Variants in ANKRD44 observed in about 807,000 individuals in gnomAD.
ANKRD44 encodes the protein serine/threonine-protein phosphatase 6 regulatory ankyrin repeat subunit B.
A neutral mutation model predicts 116.0 loss-of-function variants in ANKRD44; 35 were observed. The ratio of observed to expected loss-of-function variants is 0.30; its 90% CI spans 0.23 to 0.40. ANKRD44 has a LOEUF of 0.40. Among genes scored for constraint, ANKRD44 ranks in the 10% least tolerant of loss-of-function variants. The pLI, the probability that ANKRD44 is intolerant of heterozygous loss-of-function variation, is 1.00. For missense variants in ANKRD44, 1,014 were observed against 1,242.6 expected, an observed-to-expected ratio of 0.82 and a Z score of 2.77; for synonymous variants, 435 against 461.8, an observed-to-expected ratio of 0.94 and a Z score of 0.74.
intron 16 of ANKRD44, among the ~76,000 whole-genome samples, chr2:197,031,535 C>A (rs1361518720): frequency 1.3e-5 from 2 of 152,180 alleles, no homozygotes; most frequent in Middle Eastern, 3.2e-3. Context: ...CAGAAAAACA[C>A]TAAAGCGATT....
intron 27 of ANKRD44, chr2:196,991,050 C>G: frequency 2.2e-6 from 2 of 924,032 alleles, no homozygotes; most frequent in East Asian, 6.6e-5. Context: ...GAAATCATGC[C>G]AGGTAAAACG....
chr2:197,148,169 T>G (rs1310867334), intron 2 of ANKRD44, among the ~76,000 whole-genome samples: 1 of 152,216 alleles, frequency 6.6e-6, no homozygotes, highest in Non-Finnish European at 1.5e-5. Context: ...AGGAGATAAG[T>G]GCACAGCAGT....
At chr2:197,124,285 TCTC>T (rs1442643281) in intron 6 of ANKRD44, among the ~76,000 whole-genome samples, 1 of 152,190 alleles carries the variant, frequency 6.6e-6, no homozygotes, top group Non-Finnish European at 1.5e-5. Flanking sequence ...ACCTACTCTT[TCTC>T]CCTACAATTA....
intron 1 of ANKRD44, among the ~76,000 whole-genome samples, chr2:197,219,310 T>C (rs1360970353): frequency 6.6e-6 from 1 of 152,084 alleles, no homozygotes; most frequent in African/African-American, 2.4e-5. Flanking sequence ...CCTCGTGATC[T>C]GCCCACCTCA....
chr2:197,298,419 C>A (rs1407582583), intron 1 of ANKRD44, among the ~76,000 whole-genome samples: 1 of 152,140 alleles, frequency 6.6e-6, no homozygotes, highest in African/African-American at 2.4e-5. Context: ...GTGGACCACA[C>A]AACTAGCTCA....
intron 1 of ANKRD44, among the ~76,000 whole-genome samples, chr2:197,239,408 T>A (rs2082043581): frequency 6.6e-6 from 1 of 152,162 alleles, no homozygotes; most frequent in Non-Finnish European, 1.5e-5. Flanking sequence ...GTATTTTATT[T>A]TTTGTAGACA....
At chr2:196,994,179 A>G (rs934305912) in intron 26 of ANKRD44, among the ~76,000 whole-genome samples, 10 of 152,160 alleles carry the variant, frequency 6.6e-5, no homozygotes, top group Non-Finnish European at 1.5e-4. Flanking sequence ...TATACTGCTT[A>G]AGAATCTTTT....
chr2:197,065,005 T>C (rs1308386432), intron 16 of ANKRD44, among the ~76,000 whole-genome samples: 3 of 152,222 alleles, frequency 2.0e-5, no homozygotes, highest in African/African-American at 7.2e-5. Context: ...TATACATTTT[T>C]CTCAGCACCA....
downstream of ANKRD44, among the ~76,000 whole-genome samples, chr2:196,984,250 C>T (rs2075821869): frequency 1.3e-5 from 2 of 152,140 alleles, no homozygotes; most frequent in Non-Finnish European, 2.9e-5. Context: ...CACATTTGGT[C>T]TCCCTGGCGC....
At chr2:197,104,089 T>C (rs189084295) in intron 9 of ANKRD44, among the ~76,000 whole-genome samples, 22 of 152,312 alleles carry the variant, frequency 1.4e-4, no homozygotes, top group African/African-American at 4.3e-4. Flanking sequence ...TATTTACAAA[T>C]AGTCTTTACA....
rs376874890 is a variant in ANKRD44, at chr2:197,304,167, G to A, written c.27+6411C>T. Among the ~76,000 whole-genome samples, 752 of 152,180 alleles carry A rather than the reference G, an allele frequency of 4.9e-3. 3 individuals carry two copies. The highest frequency in any genetic ancestry group is 0.017 in the African/African-American group (704 of 41,522). Reference sequence around the variant, plus strand: ...CTAAAAATACAAAAATTAGCTGGGCGTAGTGGTGCAAGCCTGTAATCCCAG... The same window carrying A: ...CTAAAAATACAAAAATTAGCTGGGCATAGTGGTGCAAGCCTGTAATCCCAG... On this transcript the variant is annotated intron_variant, in intron 1 of 27. Coordinates refer to ENST00000282272, the MANE Select transcript of ANKRD44 (RefSeq NM_001195144.2).
rs376647443 is a variant in ANKRD44, at chr2:197,089,905, G to A, written c.1183+45C>T. The A allele has an allele frequency of 6.9e-4, 1,069 of 1,550,534 alleles. 1 individual carries two copies. Among genetic ancestry groups the A allele is most frequent in the Non-Finnish European group, 8.7e-4 (982 of 1,122,740 alleles). On this transcript the variant is annotated intron_variant, in intron 11 of 27. Coordinates refer to ENST00000282272, the MANE Select transcript of ANKRD44 (RefSeq NM_001195144.2). ...CAGACACCTGAAGCCATTGACTCAT[G>A]TACAGGACACATTAAGCCTCATCTC...
chr2:196,991,115 G>A (rs1164738386), intron 27 of ANKRD44, among the ~76,000 whole-genome samples: 3 of 152,102 alleles, frequency 2.0e-5, no homozygotes, highest in Non-Finnish European at 4.4e-5. Context: ...GGAGGGAGGG[G>A]GAGACATTTT....
At chr2:197,173,237 A>C (rs2080284709) in intron 2 of ANKRD44, among the ~76,000 whole-genome samples, 1 of 152,200 alleles carries the variant, frequency 6.6e-6, no homozygotes, top group Non-Finnish European at 1.5e-5. Context: ...GCCCTAGACT[A>C]CTAAGTCATT....
intron 26 of ANKRD44, 185 bp downstream of exon 26, chr2:196,995,194 A>G: frequency 2.7e-6 from 1 of 376,462 alleles, no homozygotes; most frequent in South Asian, 1.4e-4. Flanking sequence ...GATTCTAACT[A>G]AAACTGCCCA....
intron 21 of ANKRD44, among the ~76,000 whole-genome samples, chr2:196,976,089 C>A (rs2075758304): frequency 6.6e-6 from 1 of 151,946 alleles, no homozygotes; most frequent in South Asian, 2.1e-4. Context: ...AAAATTTCTT[C>A]AAACTGATCA....
chr2:197,095,119 TC>T (rs1574445300), intron 10 of ANKRD44, among the ~76,000 whole-genome samples: 1 of 152,256 alleles, frequency 6.6e-6, no homozygotes, highest in African/African-American at 2.4e-5. Context: ...CTTTGGGATC[TC>T]AAGAGTTCTC....
chr2:197,240,430 G>A (rs2082068062), intron 1 of ANKRD44, among the ~76,000 whole-genome samples: 1 of 146,416 alleles, frequency 6.8e-6, no homozygotes. Flanking sequence ...AAAACAAAAA[G>A]TTGTTCAGAC....
chr2:197,230,936 T>C (rs894370705), intron 1 of ANKRD44, among the ~76,000 whole-genome samples: 1 of 152,144 alleles, frequency 6.6e-6, no homozygotes, highest in African/African-American at 2.4e-5. Context: ...CTATATTCCA[T>C]TGGCCAGAAC....
Sources: allele counts gnomAD v4.1 joint callset (sites outside exome capture counted in the v4.1 genomes callset), GRCh38; gene constraint gnomAD v4.1.1; transcripts MANE v1.5; gene names NCBI Gene and HGNC (gene_info 2026-07-23, HGNC 2026-07-21).